Variants in MALRD1 observed in about 807,000 individuals in gnomAD.
MALRD1 encodes MAM and LDL-receptor class A domain-containing protein 1.
A neutral mutation model predicts 242.1 loss-of-function variants in MALRD1; 247 were observed. The ratio of observed to expected loss-of-function variants is 1.02; its 90% CI spans 0.92 to 1.13. The LOEUF (loss-of-function observed/expected upper bound fraction) is 1.13. MALRD1 is among the 50% of genes most tolerant of loss of function. MALRD1 has a pLI of 0.00. For missense variants in MALRD1, 2,989 were observed against 2,533.1 expected (o/e 1.18, Z -3.86); for synonymous variants, 995 against 866.6 (o/e 1.15, Z -2.60).
At chr10:19,475,197 C>T (rs760274887) in intron 29 of MALRD1, among the ~76,000 whole-genome samples, 2 of 152,108 alleles carry the variant, frequency 1.3e-5, no homozygotes, top group Non-Finnish European at 2.9e-5. Flanking sequence ...GGGCGGATCA[C>T]GAGGTCAGGA....
chr10:19,726,454 TGTTGATGAGGATGAGGAGAA>T (rs2131925628), intron 38 of MALRD1, among the ~76,000 whole-genome samples: 2 of 152,078 alleles, frequency 1.3e-5, no homozygotes, highest in African/African-American at 4.8e-5. Flanking sequence ...AAATAACAAG[TGTTGATGAGGATGAGGAGAA>T]ATAGAAACCC....
At chr10:19,299,523 A>G (rs1025083275) in intron 21 of MALRD1, among the ~76,000 whole-genome samples, 1 of 152,000 alleles carries the variant, frequency 6.6e-6, no homozygotes, top group Non-Finnish European at 1.5e-5. Flanking sequence ...TGAATTCATA[A>G]AACAAATTCT....
chr10:19,618,914 G>A (rs969771552), intron 36 of MALRD1, among the ~76,000 whole-genome samples: 1 of 151,938 alleles, frequency 6.6e-6, no homozygotes, highest in East Asian at 1.9e-4. Flanking sequence ...GACGATGCTT[G>A]CAGTTTCTCT....
chr10:19,063,262 G>T (rs1268283470), intron 1 of MALRD1, among the ~76,000 whole-genome samples: 1 of 152,136 alleles, frequency 6.6e-6, no homozygotes, highest in Non-Finnish European at 1.5e-5. Flanking sequence ...GAAGAAAAAT[G>T]TACATCATTA....
At chr10:19,277,443 C>T (rs932012808) in intron 19 of MALRD1, among the ~76,000 whole-genome samples, 1 of 152,100 alleles carries the variant, frequency 6.6e-6, no homozygotes, top group African/African-American at 2.4e-5. Context: ...CTTATTCATT[C>T]CTTCCCAGAG....
In MALRD1 at chr10:19,124,631, GA is replaced by G. The variant is rs1269187304; in HGVS notation, c.906del (p.Glu302AspfsTer19). On this transcript the variant is annotated frameshift_variant, in exon 7 of 40. Transcript: ENST00000454679. LOFTEE classifies it high-confidence loss of function. ...AAAAGCGAGAGAGATCCCTGCATTC[GA>G]ATCCACACCTCAGCAGGATCAAGGA... is the stretch of plus-strand genomic sequence containing the variant. ...RTKAREIPAF[E>X]STPQQDQGGD... 8.1e-7 allele frequency: 1 copy of G among 1,233,566 alleles called. No homozygotes were observed. The highest frequency in any genetic ancestry group is 4.2e-5 in the Admixed American group (1 of 23,680). 76.4% of individuals were successfully genotyped at this position (1,233,566 alleles called of 1,614,324 possible).
chr10:19,309,229 G>C (rs1473279462), intron 21 of MALRD1, among the ~76,000 whole-genome samples: 2 of 151,506 alleles, frequency 1.3e-5, no homozygotes, highest in African/African-American at 4.8e-5. Context: ...ATGGCAACCA[G>C]AGTAGAAACT....
chr10:19,286,697 G>C (rs1841139045), intron 21 of MALRD1, among the ~76,000 whole-genome samples: 1 of 151,336 alleles, frequency 6.6e-6, no homozygotes, highest in African/African-American at 2.4e-5. Context: ...CAACCAAAAA[G>C]AGTCCAGGAC....
intron 2 of MALRD1, among the ~76,000 whole-genome samples, chr10:19,087,049 A>G (rs1042412657): frequency 6.6e-6 from 1 of 152,072 alleles, no homozygotes; most frequent in Non-Finnish European, 1.5e-5. Context: ...TCTTTACACC[A>G]TACAGCTATC....
At chr10:19,564,039 G>C (rs929591848) in intron 32 of MALRD1, among the ~76,000 whole-genome samples, 1 of 152,194 alleles carries the variant, frequency 6.6e-6, no homozygotes, top group African/African-American at 2.4e-5. Flanking sequence ...CTCCCCAGAA[G>C]CAGTTGCTGG....
intron 21 of MALRD1, among the ~76,000 whole-genome samples, chr10:19,288,611 C>G (rs1588857493): frequency 6.6e-6 from 1 of 152,028 alleles, no homozygotes; most frequent in Admixed American, 6.6e-5. Context: ...TTGGTATCTT[C>G]TCTTTTTCTG....
At chr10:19,602,154 C>CTT (rs35031620) in intron 34 of MALRD1, among the ~76,000 whole-genome samples, 10 of 104,928 alleles carry the variant, frequency 9.5e-5, no homozygotes, top group East Asian at 3.1e-4. Flanking sequence ...TGCCAATTTT[C>CTT]TTTTTTTTTT....
chr10:19,156,010 G>T (rs1015236911), intron 12 of MALRD1, among the ~76,000 whole-genome samples: 1 of 152,078 alleles, frequency 6.6e-6, no homozygotes, highest in Non-Finnish European at 1.5e-5. Flanking sequence ...CCTTTTGAGA[G>T]CTCCAACATG....
chr10:19,125,382 C>CTTTCTTTCT (rs1564408171), intron 7 of MALRD1, among the ~76,000 whole-genome samples: 12 of 62,490 alleles, frequency 1.9e-4, no homozygotes, highest in Non-Finnish European at 2.7e-4. Context: ...TCTTTCTTTC[C>CTTTCTTTCT]TTCCTTCCTT....
upstream of MALRD1, among the ~76,000 whole-genome samples, chr10:19,047,932 G>T (rs1046598455): frequency 3.9e-5 from 6 of 152,058 alleles, no homozygotes; most frequent in Non-Finnish European, 8.8e-5. Context: ...AGTTGAAAAA[G>T]AACTTTAACA....
At chr10:19,567,151 C>T (rs866917122) in intron 32 of MALRD1, among the ~76,000 whole-genome samples, 35 of 152,134 alleles carry the variant, frequency 2.3e-4, no homozygotes, top group African/African-American at 7.2e-4. Context: ...TCTTTTTCTG[C>T]AGTCACACAA....
At chr10:19,609,766 C>A (rs1015921211) in intron 35 of MALRD1, among the ~76,000 whole-genome samples, 10 of 152,016 alleles carry the variant, frequency 6.6e-5, no homozygotes, top group African/African-American at 2.4e-4. Flanking sequence ...CTGGCTAAAT[C>A]TAAACTGAAA....
intron 39 of MALRD1, among the ~76,000 whole-genome samples, chr10:19,733,634 C>A (rs1030213983): frequency 2.7e-5 from 4 of 150,216 alleles, no homozygotes; most frequent in African/African-American, 9.8e-5. Flanking sequence ...TCCATTCTGT[C>A]TTATTTTTTT....
chr10:19,283,363 C>A (rs1399128942), intron 21 of MALRD1, among the ~76,000 whole-genome samples, 182 bp downstream of exon 21: 2 of 152,094 alleles, frequency 1.3e-5, no homozygotes. Context: ...GCAATGAATG[C>A]TCTTGTGAAT....
Sources: gnomAD v4.1 joint callset for allele counts (sites outside exome capture counted in the v4.1 genomes callset) on GRCh38, gnomAD v4.1.1 for gene constraint, MANE v1.5 for transcripts, NCBI Gene and HGNC (gene_info 2026-07-23, HGNC 2026-07-21) for gene names.